Variants in PTPRT observed in about 807,000 individuals in gnomAD.
The protein encoded by PTPRT is receptor-type tyrosine-protein phosphatase T.
Under a neutral mutation model 176.8 loss-of-function variants are expected in PTPRT, and 56 were observed. That is an observed-to-expected ratio of 0.32 (90% CI 0.26 to 0.40). The LOEUF (loss-of-function observed/expected upper bound fraction) is 0.40. Ranked by LOEUF, PTPRT falls within the 10% of genes least tolerant of loss-of-function variation. The probability of loss-of-function intolerance (pLI) is 1.00; values close to 1 mark genes in which losing one functional copy is unlikely to be tolerated. For synonymous variants in PTPRT, 783 were observed against 739.0 expected, an observed-to-expected ratio of 1.06 and a Z score of -0.96; for missense variants, 1,540 against 1,908.2, an observed-to-expected ratio of 0.81 and a Z score of 3.60.
At chr20:42,240,505 C>T (rs749248272) in intron 14 of PTPRT, among the ~76,000 whole-genome samples, 3 of 152,182 alleles carry the variant, frequency 2.0e-5, no homozygotes, top group African/African-American at 4.8e-5. Flanking sequence ...TACTGCAGAA[C>T]CTTTTTTCAG....
At chr20:42,263,564 A>G (rs553527724) in intron 13 of PTPRT, among the ~76,000 whole-genome samples, 1 of 151,310 alleles carries the variant, frequency 6.6e-6, no homozygotes, top group East Asian at 2.0e-4. Context: ...TATTTTTAGT[A>G]GAGACGGGGT....
At chr20:42,520,651 C>T (rs915842995) in intron 7 of PTPRT, among the ~76,000 whole-genome samples, 1 of 151,916 alleles carries the variant, frequency 6.6e-6, no homozygotes, top group African/African-American at 2.4e-5. Context: ...TTTTCTCTGC[C>T]CCAGCTCTGA....
chr20:42,432,190 C>T (rs879594387), intron 9 of PTPRT, among the ~76,000 whole-genome samples: 1 of 152,168 alleles, frequency 6.6e-6, no homozygotes, highest in Non-Finnish European at 1.5e-5. Context: ...CAGTCTAAGC[C>T]TCACTTAGGA....
intron 1 of PTPRT, among the ~76,000 whole-genome samples, chr20:43,007,145 A>C (rs1026831909): frequency 1.3e-5 from 2 of 152,194 alleles, no homozygotes; most frequent in Admixed American, 1.3e-4. Flanking sequence ...CAGGATTTGA[A>C]ACCTCATCAC....
At chr20:43,098,037 C>T (rs889730334) in intron 1 of PTPRT, among the ~76,000 whole-genome samples, 15 of 152,096 alleles carry the variant, frequency 9.9e-5, no homozygotes, top group African/African-American at 3.6e-4. Flanking sequence ...TTCCATCCCC[C>T]GAAGCCACGT....
chr20:42,234,584 T>C (rs899509504), intron 15 of PTPRT, among the ~76,000 whole-genome samples: 1 of 152,238 alleles, frequency 6.6e-6, no homozygotes, highest in African/African-American at 2.4e-5. Flanking sequence ...CAACTAAGTG[T>C]TCCTGTACTA....
At chr20:42,309,454 T>C (rs186444922) in intron 12 of PTPRT, among the ~76,000 whole-genome samples, 82 of 152,128 alleles carry the variant, frequency 5.4e-4, no homozygotes, top group Non-Finnish European at 1.0e-3. Context: ...AAATGAGACA[T>C]CTGGGGAAAA....
At chr20:42,987,508 C>T (rs1983665058) in intron 1 of PTPRT, among the ~76,000 whole-genome samples, 1 of 152,172 alleles carries the variant, frequency 6.6e-6, no homozygotes, top group African/African-American at 2.4e-5. Context: ...ATGGTCTCAC[C>T]TTGCTTGCTT....
chr20:42,618,268 T>G (rs1160034711), intron 7 of PTPRT, among the ~76,000 whole-genome samples: 10 of 130,500 alleles, frequency 7.7e-5, no homozygotes, highest in Non-Finnish European at 1.4e-4. Context: ...AGATTCTTAA[T>G]CCTGAGTTCT....
At chr20:42,727,787 G>A (rs2076402778) in intron 6 of PTPRT, among the ~76,000 whole-genome samples, 1 of 152,166 alleles carries the variant, frequency 6.6e-6, no homozygotes, top group Non-Finnish European at 1.5e-5. Flanking sequence ...TTACTTTTGT[G>A]TTTAAAACCT....
chr20:42,308,897 C>T (rs1224935124), intron 12 of PTPRT, among the ~76,000 whole-genome samples: 1 of 152,132 alleles, frequency 6.6e-6, no homozygotes, highest in African/African-American at 2.4e-5. Context: ...CTAGATAATC[C>T]CCACTATTAT....
At chr20:42,350,226 T>TGGTGTTG (rs762596591) in intron 11 of PTPRT, among the ~76,000 whole-genome samples, 1 of 88,148 alleles carries the variant, frequency 1.1e-5, no homozygotes, top group African/African-American at 4.5e-5. Flanking sequence ...TTTTTTTTTT[T>TGGTGTTG]TTTTTTTTTT....
At chr20:42,744,817 T>C (rs545738592) in intron 6 of PTPRT, among the ~76,000 whole-genome samples, 1 of 152,332 alleles carries the variant, frequency 6.6e-6, no homozygotes, top group South Asian at 2.1e-4. Context: ...CTACATGCTT[T>C]TTAACTCTTT....
chr20:43,153,599 T>TC (rs1358570378), intron 1 of PTPRT, among the ~76,000 whole-genome samples: 1 of 151,822 alleles, frequency 6.6e-6, no homozygotes, highest in Non-Finnish European at 1.5e-5. Flanking sequence ...CAAAGAGGAC[T>TC]CTCCGGATAC....
intron 2 of PTPRT, among the ~76,000 whole-genome samples, chr20:42,814,968 G>A (rs188427886): frequency 6.6e-6 from 1 of 152,200 alleles, no homozygotes; most frequent in Admixed American, 6.5e-5. Flanking sequence ...CAAATGCTGA[G>A]TAAGAAAAAT....
chr20:43,015,732 A>G (rs543406873), intron 1 of PTPRT, among the ~76,000 whole-genome samples: 1 of 152,294 alleles, frequency 6.6e-6, no homozygotes, highest in South Asian at 2.1e-4. Context: ...GACTCTGGGC[A>G]AATCACACCA....
At chr20:42,981,926 A>G (rs1020931772) in intron 1 of PTPRT, among the ~76,000 whole-genome samples, 1 of 152,104 alleles carries the variant, frequency 6.6e-6, no homozygotes, top group African/African-American at 2.4e-5. Context: ...AGAAATGGCA[A>G]TGGTCTCTTT....
At chr20:42,659,597 C>T (rs540599119) in intron 7 of PTPRT, among the ~76,000 whole-genome samples, 1 of 152,162 alleles carries the variant, frequency 6.6e-6, no homozygotes, top group Non-Finnish European at 1.5e-5. Flanking sequence ...GTCTAAGCTG[C>T]CATGGCTTTG....
At chr20:42,669,408 C>A (rs1200714275) in intron 7 of PTPRT, among the ~76,000 whole-genome samples, 2 of 152,068 alleles carry the variant, frequency 1.3e-5, no homozygotes, top group Non-Finnish European at 2.9e-5. Context: ...ATAGTGAGTC[C>A]ATTTTCATTT....
Sources: gnomAD v4.1 joint callset for allele counts (sites outside exome capture counted in the v4.1 genomes callset) on GRCh38, gnomAD v4.1.1 for gene constraint, MANE v1.5 for transcripts, NCBI Gene and HGNC (gene_info 2026-07-23, HGNC 2026-07-21) for gene names.